VPS13B: variants seen among roughly 807,000 people sequenced by gnomAD.
VPS13B encodes the protein intermembrane lipid transfer protein VPS13B.
VPS13B carries 285 observed loss-of-function variants against 426.4 expected under a neutral mutation model. The ratio of observed to expected loss-of-function variants is 0.67; its 90% CI spans 0.61 to 0.74. VPS13B has a LOEUF of 0.74. Among genes scored for constraint, VPS13B ranks in the 30% least tolerant of loss-of-function variants. VPS13B has a pLI of 0.00. For synonymous variants in VPS13B, 1,676 were observed against 1,676.4 expected (o/e 1.00, Z 0.01); for missense variants, 4,537 against 4,782.6 (o/e 0.95, Z 1.51).
chr8:99,711,526 G>T (rs890827691), intron 36 of VPS13B, among the ~76,000 whole-genome samples: 18 of 152,154 alleles, frequency 1.2e-4, no homozygotes, highest in Admixed American at 4.6e-4. Context: ...TAGAATGACT[G>T]TAAAAACTAA....
At chr8:99,180,949 A>T (rs566757871) in intron 16 of VPS13B, among the ~76,000 whole-genome samples, 1 of 152,182 alleles carries the variant, frequency 6.6e-6, no homozygotes, top group Non-Finnish European at 1.5e-5. Flanking sequence ...TTGTGACACC[A>T]GTGGTGGAAA....
chr8:99,431,062 T>G (rs1817080218), intron 21 of VPS13B, among the ~76,000 whole-genome samples: 1 of 152,210 alleles, frequency 6.6e-6, no homozygotes, highest in Non-Finnish European at 1.5e-5. Context: ...TAAGTTTTTG[T>G]TATCAGGAAC....
At chr8:99,101,312 T>C (rs1232493172) in intron 4 of VPS13B, among the ~76,000 whole-genome samples, 1 of 152,014 alleles carries the variant, frequency 6.6e-6, no homozygotes, top group African/African-American at 2.4e-5. Context: ...TTTTGTATTT[T>C]TAGTAGAGAC....
intron 23 of VPS13B, among the ~76,000 whole-genome samples, chr8:99,446,681 G>A (rs1462076253): frequency 1.3e-5 from 2 of 151,918 alleles, no homozygotes; most frequent in Non-Finnish European, 2.9e-5. Flanking sequence ...TGTTAAAGTT[G>A]TTCTTTGAAT....
At chr8:99,034,772 A>G (rs2132209662) in intron 2 of VPS13B, among the ~76,000 whole-genome samples, 1 of 152,122 alleles carries the variant, frequency 6.6e-6, no homozygotes, top group East Asian at 1.9e-4. Flanking sequence ...GTTTTTGACA[A>G]CTTTGTCCTG....
At chr8:99,631,856 T>C (rs538573478) in intron 33 of VPS13B, among the ~76,000 whole-genome samples, 36 of 152,042 alleles carry the variant, frequency 2.4e-4, no homozygotes, top group South Asian at 8.3e-4. Flanking sequence ...AGCAATTTGA[T>C]GAATGAATGA....
intron 35 of VPS13B, among the ~76,000 whole-genome samples, chr8:99,665,530 C>CACAT: frequency 6.6e-6 from 1 of 152,142 alleles, no homozygotes; most frequent in South Asian, 2.1e-4. Context: ...TTCAGCTTTC[C>CACAT]ACATATGGCT....
chr8:99,218,526 T>A (rs1017806439), intron 17 of VPS13B, among the ~76,000 whole-genome samples: 1 of 152,228 alleles, frequency 6.6e-6, no homozygotes, highest in Admixed American at 6.5e-5. Context: ...TTTGATAATA[T>A]TTGATGCCTC....
intron 33 of VPS13B, among the ~76,000 whole-genome samples, chr8:99,622,315 GA>G: frequency 6.6e-6 from 1 of 152,274 alleles, no homozygotes; most frequent in African/African-American, 2.4e-5. Context: ...CAGGGAAGTG[GA>G]AGAGCCAAGG....
chr8:99,310,429 C>A (rs1016310259), intron 19 of VPS13B, among the ~76,000 whole-genome samples: 2 of 152,126 alleles, frequency 1.3e-5, no homozygotes, highest in Non-Finnish European at 2.9e-5. Context: ...GCCTTTTCTG[C>A]ATCTATTGAG....
intron 19 of VPS13B, among the ~76,000 whole-genome samples, chr8:99,303,730 C>CAAAAAAAA (rs58708195): frequency 0.65 from 41,393 of 63,328 alleles, 15,826 homozygotes; most frequent in South Asian, 0.78. Flanking sequence ...GACTCCGTCT[C>CAAAAAAAA]AAAAAAAAAA....
At chr8:99,347,433 T>C (rs2133202072) in intron 19 of VPS13B, 1 of 168,940 alleles carries the variant, frequency 5.9e-6, no homozygotes, top group Middle Eastern at 3.2e-3. Flanking sequence ...TGGATTGGCA[T>C]TGTCTCCTTA....
chr8:99,481,129 A>G (rs1413594103), intron 24 of VPS13B, among the ~76,000 whole-genome samples: 1 of 152,204 alleles, frequency 6.6e-6, no homozygotes, highest in Non-Finnish European at 1.5e-5. Flanking sequence ...TTTACTGTTC[A>G]ATGTTATATC....
At chr8:99,864,271 C>T (rs1816983497) in intron 58 of VPS13B, among the ~76,000 whole-genome samples, 2 of 152,134 alleles carry the variant, frequency 1.3e-5, no homozygotes, top group South Asian at 2.1e-4. Flanking sequence ...AAATCCAGGC[C>T]GGGTACATGG....
At chr8:99,075,519 C>T (rs756708474) in intron 3 of VPS13B, among the ~76,000 whole-genome samples, 9 of 152,198 alleles carry the variant, frequency 5.9e-5, no homozygotes, top group Non-Finnish European at 1.0e-4. Context: ...CCAGGCCTCA[C>T]CTCCAACACT....
chr8:99,791,720 T>TAAA (rs1163608239), intron 43 of VPS13B, among the ~76,000 whole-genome samples: 83 of 90,028 alleles, frequency 9.2e-4, no homozygotes, highest in African/African-American at 3.0e-3. Flanking sequence ...GAACAGAACT[T>TAAA]AAAAAAAAAA....
At chr8:99,166,685 A>G (rs913296228) in intron 15 of VPS13B, among the ~76,000 whole-genome samples, 9 of 152,192 alleles carry the variant, frequency 5.9e-5, no homozygotes, top group East Asian at 1.9e-4. Context: ...TACAATTCCA[A>G]TGTCTTTTTT....
chr8:99,065,747 T>C (rs994885325), intron 3 of VPS13B, among the ~76,000 whole-genome samples: 7 of 152,116 alleles, frequency 4.6e-5, no homozygotes, highest in African/African-American at 1.7e-4. Context: ...GATTGTATAT[T>C]TAGAAAACCC....
At chr8:99,677,818 A>T (rs945541427) in intron 35 of VPS13B, among the ~76,000 whole-genome samples, 5 of 152,210 alleles carry the variant, frequency 3.3e-5, no homozygotes, top group African/African-American at 1.2e-4. Context: ...TAATTGGGAA[A>T]TGTCTTCCTA....
Sources: allele counts gnomAD v4.1 joint callset (sites outside exome capture counted in the v4.1 genomes callset), GRCh38; gene constraint gnomAD v4.1.1; transcripts MANE v1.5; gene names NCBI Gene and HGNC (gene_info 2026-07-23, HGNC 2026-07-21).